Variants in STS observed in about 807,000 individuals in gnomAD.
STS encodes steroid sulfatase, also known as steryl-sulfatase.
Under a neutral mutation model 26.8 loss-of-function variants are expected in STS, and 7 were observed. The ratio of observed to expected loss-of-function variants is 0.26; its 90% CI spans 0.15 to 0.49. The LOEUF (loss-of-function observed/expected upper bound fraction) is 0.49, where lower values mean the gene tolerates loss of function less well. STS is among the 20% of genes least tolerant of loss of function. The pLI is 0.98. For missense variants in STS, 434 were observed against 465.6 expected, an observed-to-expected ratio of 0.93 and a Z score of 0.63; for synonymous variants, 199 against 189.4, an observed-to-expected ratio of 1.05 and a Z score of -0.42.
chrX:7,303,554 G>A (rs1926075132), intron 7 of STS, among the ~76,000 whole-genome samples: 1 of 111,189 alleles, frequency 9.0e-6, no homozygotes. Context: ...GGCACGAGCA[G>A]AAGAGGGAGA....
In STS at chrX:7,325,357, G is replaced by T; in HGVS notation, c.1100G>T (p.Trp367Leu). 4.1e-6 allele frequency: 5 copies of T among 1,211,315 alleles called. No homozygotes were observed. The highest frequency in any genetic ancestry group is 4.5e-6 in the Non-Finnish European group (4 of 895,281). ...GIYKGGKANN[W>L]EGGIRVPGIL... is the part of the protein sequence containing the mutation. ...CTTTTAGGAGGAAAAGCAAACAACT[G>T]GGAAGGAGGTATCCGGGTTCCAGGC... Residue 367 changes from tryptophan to leucine, a missense_variant, in exon 9 of 11, where the codon TGG becomes TTG. By Grantham distance (61) the Trp-to-Leu change is moderately conservative. Around this residue, in one of 2 missense-constraint regions of STS, gnomAD observed 205 missense variants for 177.3 expected, o/e 1.16. Transcript: ENST00000674429.
In STS at chrX:7,305,029, G is replaced by A; in HGVS notation, c.944-17G>A. 8.3e-7 allele frequency: 1 copy of A among 1,210,269 alleles called. No individual in the cohort carries two copies. Among genetic ancestry groups the A allele is most frequent in the Non-Finnish European group, 1.1e-6 (1 of 894,336 alleles). ...TGAATATGCATTATTTTTAAATGGA[G>A]TCTTTTTCCCCTCCAGGGCAGATCT... On this transcript the variant is annotated splice_polypyrimidine_tract_variant and intron_variant, in intron 7 of 10. Transcript: ENST00000674429.
intron 7 of STS, among the ~76,000 whole-genome samples, chrX:7,301,610 A>T (rs1328258419): frequency 9.0e-6 from 1 of 111,350 alleles, no homozygotes; most frequent in Admixed American, 9.6e-5. Context: ...TTCGTGTTGT[A>T]TGTTCTGTGG....
chrX:7,226,594 A>G (rs1464558163), intron 2 of STS, among the ~76,000 whole-genome samples: 1 of 111,737 alleles, frequency 8.9e-6, no homozygotes, highest in African/African-American at 3.3e-5. Context: ...TCAACAAGTG[A>G]TATATAAGAG....
intron 9 of STS, among the ~76,000 whole-genome samples, chrX:7,327,599 G>A (rs1927542670): frequency 9.1e-6 from 1 of 109,963 alleles, no homozygotes; most frequent in African/African-American, 3.3e-5. Context: ...TGCCAAAGCT[G>A]GTCTTGAAGT....
chrX:7,199,886 AAT>A (rs1206494081), intron 2 of STS, among the ~76,000 whole-genome samples: 1 of 110,596 alleles, frequency 9.0e-6, no homozygotes, highest in African/African-American at 3.3e-5. Context: ...TAAAAAAAAA[AAT>A]AAATTACCTA....
intron 1 of STS, among the ~76,000 whole-genome samples, chrX:7,160,627 C>T (rs12008511): frequency 9.1e-6 from 1 of 110,410 alleles, no homozygotes; most frequent in South Asian, 3.9e-4. Context: ...GAAAATACTG[C>T]ACCCACTGCT....
intron 6 of STS, among the ~76,000 whole-genome samples, chrX:7,268,663 C>T (rs1336463487): frequency 3.6e-5 from 4 of 111,851 alleles, no homozygotes; most frequent in African/African-American, 1.3e-4. Flanking sequence ...TATTCAATAA[C>T]TGCAGGTAAC....
Position 7,177,925 on chromosome X carries a change from A to G in STS, c.-133-12955A>G, listed in dbSNP as rs769382662. Reference sequence around the variant, plus strand: ...AGTGATTCTTTCACTTCAGCCTCCCAAGTAGCTGGGACCATAGGCACATGC... The same window carrying G: ...AGTGATTCTTTCACTTCAGCCTCCCGAGTAGCTGGGACCATAGGCACATGC... On this transcript the variant is annotated intron_variant, in intron 1 of 10. Coordinates refer to ENST00000674429, the MANE Select transcript of STS (RefSeq NM_001320752.2). Among the ~76,000 whole-genome samples, 3 of 111,092 alleles carry G rather than the reference A, an allele frequency of 2.7e-5. No individual in the cohort carries two copies. The East Asian group carries it at 8.5e-4, about 32-fold the overall frequency.
At chrX:7,185,899 C>T (rs1164851720) in intron 1 of STS, among the ~76,000 whole-genome samples, 1 of 112,214 alleles carries the variant, frequency 8.9e-6, no homozygotes, top group Non-Finnish European at 1.9e-5. Context: ...TTGTGTTTGC[C>T]TTTGAGTGTT....
At chrX:7,194,968 C>T (rs765100907) in intron 2 of STS, among the ~76,000 whole-genome samples, 24 of 111,329 alleles carry the variant, frequency 2.2e-4, no homozygotes, top group Admixed American at 3.8e-4. Flanking sequence ...ATACTGCAGG[C>T]GGTTGTAACA....
rs1341512377 is a variant in STS at position 7,307,877 on chromosome X, A to G, written c.1081+2694A>G. On this transcript the variant is annotated intron_variant, in intron 8 of 10. Transcript: ENST00000674429. Reference sequence around the variant, plus strand: ...GAAGGGGTCCACTTTCTGAAAAACAACTATGGGACATATGTTAAAGTGTTA... The same window carrying G: ...GAAGGGGTCCACTTTCTGAAAAACAGCTATGGGACATATGTTAAAGTGTTA... 6.9e-4 allele frequency among the ~76,000 whole-genome samples: 78 copies of G among 112,404 alleles called. 1 individual carries two copies. Among genetic ancestry groups the G allele is most frequent in the Non-Finnish European group, 5.6e-5 (3 of 53,286 alleles).
At chrX:7,218,568 G>C in intron 2 of STS, among the ~76,000 whole-genome samples, 1 of 112,214 alleles carries the variant, frequency 8.9e-6, no homozygotes, top group Non-Finnish European at 1.9e-5. Context: ...TGGAGGTTGA[G>C]GAACCCTATA....
At chrX:7,215,040 T>TA (rs201250850) in intron 2 of STS, among the ~76,000 whole-genome samples, 28,657 of 85,736 alleles carry the variant, frequency 0.33, 4,446 homozygotes, top group Non-Finnish European at 0.38. Flanking sequence ...TGTATATATA[T>TA]ACATATATAT....
chrX:7,293,183 TG>T (rs1446555945), intron 7 of STS, among the ~76,000 whole-genome samples: 1 of 112,109 alleles, frequency 8.9e-6, no homozygotes, highest in Non-Finnish European at 1.9e-5. Flanking sequence ...TCTGTGCCCT[TG>T]GGCAGCCTCC....
chrX:7,323,633 C>G (rs911369938), intron 8 of STS, among the ~76,000 whole-genome samples: 2 of 111,603 alleles, frequency 1.8e-5, no homozygotes, highest in Non-Finnish European at 3.8e-5. Context: ...TCGATGGGCA[C>G]CTGGATTAAT....
At chrX:7,180,859 A>G (rs1172180640) in intron 1 of STS, among the ~76,000 whole-genome samples, 1 of 112,310 alleles carries the variant, frequency 8.9e-6, no homozygotes, top group Non-Finnish European at 1.9e-5. Flanking sequence ...CTTTTTTAAA[A>G]TCCACACTCA....
Position 7,148,088 on chromosome X carries a change from G to A in STS, c.-134+5G>A, listed in dbSNP as rs1488479826. 2.6e-6 allele frequency: 3 copies of A among 1,134,165 alleles called. No individual in the cohort carries two copies. The highest frequency in any genetic ancestry group is 2.0e-5 in the South Asian group (1 of 50,127). 93.5% of individuals were successfully genotyped at this position (1,134,165 alleles called of 1,213,427 possible). Reference sequence around the variant, plus strand: ...TCCGTCCATGTCAAAGATGAGGTGGGTGACGGGCTGCGGGGGCGCCGCCAT... The same window carrying A: ...TCCGTCCATGTCAAAGATGAGGTGGATGACGGGCTGCGGGGGCGCCGCCAT... On this transcript the variant is annotated splice_donor_5th_base_variant and intron_variant, in intron 1 of 10. Transcript: ENST00000674429.
At chrX:7,220,710 G>A (rs1425213494) in intron 2 of STS, among the ~76,000 whole-genome samples, 6 of 108,566 alleles carry the variant, frequency 5.5e-5, no homozygotes, top group African/African-American at 1.7e-4. Context: ...CACCACGCCC[G>A]GCTACTTTTT....
Sources: allele counts gnomAD v4.1 joint callset (sites outside exome capture counted in the v4.1 genomes callset), GRCh38; gene constraint gnomAD v4.1.1; regional missense constraint gnomAD v4.1.1; transcripts MANE v1.5; gene names NCBI Gene and HGNC (gene_info 2026-07-23, HGNC 2026-07-21).